MMP28: variants seen among roughly 807,000 people sequenced by gnomAD.
MMP28 encodes the protein matrix metallopeptidase 28, also known as matrix metalloproteinase-28.
In MMP28, 55 loss-of-function variants were observed where a neutral mutation model predicts 60.5. That is an observed-to-expected ratio of 0.91 (90% CI 0.73 to 1.14). MMP28 has a LOEUF of 1.14. Ranked by LOEUF, MMP28 falls within the 50% of genes most tolerant of loss-of-function variation. The pLI, the probability that MMP28 is intolerant of heterozygous loss-of-function variation, is 0.00. For missense variants in MMP28, 686 were observed against 738.3 expected (o/e 0.93, Z 0.82); for synonymous variants, 318 against 312.5 (o/e 1.02, Z -0.18).
intron 1 of MMP28, among the ~76,000 whole-genome samples, chr17:35,789,811 G>T (rs932775223): frequency 1.3e-5 from 2 of 150,920 alleles, no homozygotes; most frequent in Non-Finnish European, 2.9e-5. Context: ...GCTCAAGCTG[G>T]AGTGCAGTGG....
chr17:35,789,687 G>A (rs750208254), intron 1 of MMP28, among the ~76,000 whole-genome samples: 1 of 151,926 alleles, frequency 6.6e-6, no homozygotes. Flanking sequence ...AAATATCTGG[G>A]GCTCTGCTAG....
chr17:35,777,265 G>A (rs549439080), intron 3 of MMP28, among the ~76,000 whole-genome samples: 123 of 152,318 alleles, frequency 8.1e-4, no homozygotes, highest in Admixed American at 8.5e-4. Flanking sequence ...TCTTGAACTC[G>A]TAGCTCTCTG....
rs2086939058 is a variant in MMP28 at position 35,795,319 on chromosome 17, AGGT to A, written c.56_58del (p.His19del). The A allele has an allele frequency of 1.8e-5, 27 of 1,466,312 alleles. No homozygotes were observed. In the East Asian group the frequency reaches 7.7e-4, roughly 42 times the overall value. 90.8% of individuals were successfully genotyped at this position (1,466,312 alleles called of 1,614,324 possible). On this transcript the variant is annotated inframe_deletion, in exon 1 of 8. Coordinates refer to ENST00000605424, the MANE Select transcript of MMP28 (RefSeq NM_024302.5). ...TCCGCGCTCCGCGGGCTGGGCGTCCAGGTGGCCCCACAGTAGCAGCTGCAGGGC... is the reference window on the plus strand; with the variant it reads ...TCCGCGCTCCGCGGGCTGGGCGTCCAGGCCCCACAGTAGCAGCTGCAGGGC...
At chr17:35,774,840 C>T (rs56262662) in intron 3 of MMP28, among the ~76,000 whole-genome samples, 3,142 of 152,282 alleles carry the variant, frequency 0.021, 64 homozygotes, top group East Asian at 0.11. Flanking sequence ...TCCAGAGGTG[C>T]GGCTGAGGGT....
At position 35,766,724 on chromosome 17, in the gene MMP28, G is replaced by A. The variant is rs901634099; in HGVS notation, c.1339C>T (p.Gln447Ter). The A allele has an allele frequency of 6.3e-6, 10 of 1,599,076 alleles. No homozygotes were observed. The highest frequency in any genetic ancestry group is 8.5e-6 in the Non-Finnish European group (10 of 1,173,550). The stretch of plus-strand genomic sequence containing the variant: ...CTTCGGGGGTAGTAGGGCTCCACTT[G>A]CAGTCCCCCTCGGGCCAGCACGTAG... Reference protein sequence around the residue: ...RYYVLARGGLQVEPYYPRSLQ... With the variant: ...RYYVLARGGL The change falls in exon 8 of 8, where the codon CAA becomes TAA. Residue 447 changes from glutamine (Q) to a stop codon, truncating the protein, a stop_gained. Coordinates refer to ENST00000605424, the MANE Select transcript of MMP28 (RefSeq NM_024302.5). LOFTEE classifies it high-confidence loss of function. This position sits in a 1 kb window ranked among gnomAD's most constrained non-coding sequence, Gnocchi z 4.3.
At chr17:35,768,449 C>T in intron 5 of MMP28, 70 bp from the exon 6 acceptor site, 8 of 1,272,196 alleles carry the variant, frequency 6.3e-6, no homozygotes, top group South Asian at 1.7e-5. Context: ...GCACTCAAGA[C>T]CTTCCCTTGG....
intron 4 of MMP28, 86 bp downstream of exon 4, chr17:35,773,094 G>A (rs1467790308): frequency 1.6e-6 from 2 of 1,243,334 alleles, no homozygotes; most frequent in African/African-American, 1.5e-5. Context: ...CCACAGGGAG[G>A]GTGAATGCTT....
Position 35,795,168 on chromosome 17 carries a change from A to C in MMP28, c.111+99T>G, listed in dbSNP as rs559627530. 104 of 732,214 alleles carry C rather than the reference A, an allele frequency of 1.4e-4. No individual in the cohort carries two copies. In the Admixed American group the frequency reaches 3.0e-3, roughly 21 times the overall value. The allele number at this position is 732,214 out of a possible 1,614,324, so 45.4% of individuals were successfully genotyped here. A position where few individuals can be genotyped will look rare whatever the true frequency, so the allele number is the denominator to read the frequency against. On this transcript the variant is annotated intron_variant, in intron 1 of 7. Transcript: ENST00000605424. Reference sequence around the variant, plus strand: ...GCGGAGGACAGGGGTAGGGTAACGCAGATTGTCTGCTCACAGGGGACTGCC... The same window carrying C: ...GCGGAGGACAGGGGTAGGGTAACGCCGATTGTCTGCTCACAGGGGACTGCC...
chr17:35,761,229 G>A (rs1472722235), downstream of MMP28, among the ~76,000 whole-genome samples: 7 of 147,888 alleles, frequency 4.7e-5, no homozygotes, highest in Non-Finnish European at 1.0e-4. Flanking sequence ...TCAGCCTCCC[G>A]AGTAGCTGGG....
At chr17:35,760,270 A>G (rs587729451) in intron 2 of MMP28, among the ~76,000 whole-genome samples, 1 of 152,304 alleles carries the variant, frequency 6.6e-6, no homozygotes, top group East Asian at 1.9e-4. Context: ...CTTCGAGTCC[A>G]GGAAAGGAAA....
At chr17:35,756,566 G>T in intron 2 of MMP28, 2 of 336,756 alleles carry the variant, frequency 5.9e-6, no homozygotes, top group Non-Finnish European at 8.4e-6. Flanking sequence ...TGCTTCTCGG[G>T]TTCAAGTGAT....
intron 1 of MMP28, among the ~76,000 whole-genome samples, chr17:35,787,313 ATC>A (rs1413882475): frequency 6.6e-6 from 1 of 152,212 alleles, no homozygotes; most frequent in East Asian, 1.9e-4. Context: ...AAAGATAAAC[ATC>A]TGCTACCAGA....
intron 4 of MMP28, among the ~76,000 whole-genome samples, chr17:35,772,353 A>T (rs2086183326): frequency 1.3e-5 from 2 of 152,202 alleles, no homozygotes; most frequent in South Asian, 4.1e-4. Context: ...ACATGGATGA[A>T]GTCAGTTACA....
intron 4 of MMP28, 102 bp from the exon 5 acceptor site, chr17:35,770,414 G>T: frequency 7.3e-7 from 1 of 1,371,834 alleles, no homozygotes; most frequent in Non-Finnish European, 9.6e-7. Flanking sequence ...GCTGTTCTCT[G>T]CTGTATAGTT....
chr17:35,779,099 G>A (rs748434105), intron 2 of MMP28, 24 bp from the exon 3 acceptor site: 1 of 1,609,856 alleles, frequency 6.2e-7, no homozygotes, highest in Middle Eastern at 1.7e-4. Flanking sequence ...AGGACCGCAA[G>A]GGGAGGGTGA....
chr17:35,772,683 T>C (rs1444395769), intron 4 of MMP28, among the ~76,000 whole-genome samples: 1 of 152,158 alleles, frequency 6.6e-6, no homozygotes, highest in Non-Finnish European at 1.5e-5. Flanking sequence ...AGTCTTCAGG[T>C]TGGGGACAAA....
At position 35,795,434 on chromosome 17, in the gene MMP28, G is replaced by T; in HGVS notation, c.-57C>A. On this transcript the variant is annotated 5_prime_UTR_variant, in exon 1 of 8. Coordinates refer to ENST00000605424, the MANE Select transcript of MMP28 (RefSeq NM_024302.5). Reference sequence around the variant, plus strand: ...AGCTACTGCGCGCAGGGAACCAGCCGGCAGTCAGCCGCGCCCGGGACCCCG... The same window carrying T: ...AGCTACTGCGCGCAGGGAACCAGCCTGCAGTCAGCCGCGCCCGGGACCCCG... 2.3e-6 allele frequency: 3 copies of T among 1,285,580 alleles called. No homozygotes were observed. Among genetic ancestry groups the T allele is most frequent in the Non-Finnish European group, 3.0e-6 (3 of 998,310 alleles). 79.6% of individuals were successfully genotyped at this position (1,285,580 alleles called of 1,614,324 possible).
At chr17:35,787,754 G>A (rs1426634508) in intron 1 of MMP28, among the ~76,000 whole-genome samples, 1 of 152,102 alleles carries the variant, frequency 6.6e-6, no homozygotes, top group Non-Finnish European at 1.5e-5. Context: ...CTCCCAAAGT[G>A]CTGGGATTAC....
downstream of MMP28, chr17:35,764,930 T>C: frequency 5.1e-6 from 1 of 197,228 alleles, no homozygotes; most frequent in Non-Finnish European, 1.0e-5. Context: ...TCACACAGCC[T>C]CACCTTCACC....
Sources: allele counts gnomAD v4.1 joint callset (sites outside exome capture counted in the v4.1 genomes callset), GRCh38; gene constraint gnomAD v4.1.1; non-coding constraint Gnocchi (gnomAD v3.1); transcripts MANE v1.5; gene names NCBI Gene and HGNC (gene_info 2026-07-23, HGNC 2026-07-21).